Variants in CHN1 observed in about 807,000 individuals in gnomAD.
The protein encoded by CHN1 is N-chimaerin.
Under a neutral mutation model 59.5 loss-of-function variants are expected in CHN1, and 37 were observed. The observed-to-expected ratio is 0.62, with a 90% CI of 0.48 to 0.82. The LOEUF (loss-of-function observed/expected upper bound fraction) is 0.82. Among genes scored for constraint, CHN1 ranks in the 40% least tolerant of loss-of-function variants. CHN1 has a pLI of 0.00. For synonymous variants in CHN1, 206 were observed against 200.4 expected (o/e 1.03, Z -0.24); for missense variants, 469 against 571.0 (o/e 0.82, Z 1.82).
chr2:174,986,830 G>A (rs1691361456), intron 1 of CHN1, among the ~76,000 whole-genome samples: 1 of 152,166 alleles, frequency 6.6e-6, no homozygotes, highest in Admixed American at 6.5e-5. Flanking sequence ...TCTGCCTCCT[G>A]GGTTCAAGCG....
At chr2:174,847,735 CCTCCT>C in intron 6 of CHN1, 1 of 818,326 alleles carries the variant, frequency 1.2e-6, no homozygotes, top group Non-Finnish European at 1.8e-6. Flanking sequence ...TCTGTTTCTC[CCTCCT>C]CTCATGTAAG....
chr2:174,912,536 C>A (rs16862929), intron 5 of CHN1, among the ~76,000 whole-genome samples: 2 of 152,000 alleles, frequency 1.3e-5, no homozygotes, highest in Non-Finnish European at 2.9e-5. Flanking sequence ...ATTTTAGAGC[C>A]CCTAGTTGAC....
chr2:174,898,953 A>G (rs193065699), intron 5 of CHN1, among the ~76,000 whole-genome samples: 1 of 152,344 alleles, frequency 6.6e-6, no homozygotes, highest in East Asian at 1.9e-4. Flanking sequence ...GGAAAAATAA[A>G]GAGTACAATT....
intron 7 of CHN1, among the ~76,000 whole-genome samples, chr2:174,832,810 T>G (rs1380232135): frequency 2.0e-5 from 3 of 152,122 alleles, no homozygotes; most frequent in Admixed American, 2.0e-4. Flanking sequence ...AAACCTATTA[T>G]GTACTAGACC....
chr2:174,919,893 G>C (rs1435762520), intron 3 of CHN1, among the ~76,000 whole-genome samples: 1 of 151,960 alleles, frequency 6.6e-6, no homozygotes, highest in Non-Finnish European at 1.5e-5. Flanking sequence ...CCAACCTAAT[G>C]AAATTTTGTA....
At chr2:174,891,963 C>A (rs1347334728) in intron 5 of CHN1, among the ~76,000 whole-genome samples, 2 of 152,074 alleles carry the variant, frequency 1.3e-5, no homozygotes, top group Non-Finnish European at 2.9e-5. Context: ...AAAGAAATTA[C>A]TATGAATAAT....
intron 5 of CHN1, among the ~76,000 whole-genome samples, chr2:174,889,077 T>C (rs1687974063): frequency 6.6e-6 from 1 of 152,138 alleles, no homozygotes; most frequent in African/African-American, 2.4e-5. Flanking sequence ...TACTCACAGA[T>C]ACCAGAGGGA....
intron 5 of CHN1, among the ~76,000 whole-genome samples, chr2:174,886,798 A>G (rs867683665): frequency 3.3e-5 from 5 of 152,216 alleles, no homozygotes; most frequent in Admixed American, 6.5e-5. Context: ...AACAATCAGC[A>G]AAGTATCACA....
At position 174,987,932 on chromosome 2, in the gene CHN1, G is replaced by C. The variant is rs534031546; in HGVS notation, c.19+16962C>G. ...TCCAGGATGAGGGAGAGGGAGATGT[G>C]AGTTTTAACTATGGTGAGGATGGTC... On this transcript the variant is annotated intron_variant, in intron 1 of 12. Transcript: ENST00000409900. Among the ~76,000 whole-genome samples the C allele has an allele frequency of 3.8e-4, 58 of 152,196 alleles. No homozygotes were observed. The South Asian group carries it at 0.011, about 30-fold the overall frequency.
chr2:174,932,514 TCA>T lies in CHN1; in HGVS notation c.114+12372_114+12373del, dbSNP rs1689379449. Among the ~76,000 whole-genome samples the T allele has an allele frequency of 2.0e-5, 3 of 152,326 alleles. 1 individual carries two copies. The highest frequency in any genetic ancestry group is 2.1e-4 in the South Asian group (1 of 4,820). On this transcript the variant is annotated intron_variant, in intron 3 of 12. Coordinates refer to ENST00000409900, the MANE Select transcript of CHN1 (RefSeq NM_001822.7). ...GGAAGACTGGATTTTGCCGAGTATC[TCA>T]CAGTTTCCACAGTTCATCCTTGCTT... is the stretch of plus-strand genomic sequence containing the variant.
chr2:174,942,878 C>T (rs1689706546), intron 3 of CHN1, among the ~76,000 whole-genome samples: 1 of 151,886 alleles, frequency 6.6e-6, no homozygotes, highest in African/African-American at 2.4e-5. Flanking sequence ...GGCGAAACCC[C>T]ATCTCTACAA....
At chr2:174,957,312 G>GT (rs1045342508) in intron 1 of CHN1, among the ~76,000 whole-genome samples, 51 of 152,194 alleles carry the variant, frequency 3.4e-4, no homozygotes, top group Middle Eastern at 3.4e-3. Context: ...TGTTTACAGC[G>GT]TGAGAGCTGA....
At chr2:174,832,416 T>C (rs538293151) in intron 7 of CHN1, among the ~76,000 whole-genome samples, 9 of 152,160 alleles carry the variant, frequency 5.9e-5, no homozygotes, top group Non-Finnish European at 1.2e-4. Flanking sequence ...TAAGACCTTT[T>C]TTCTCCCTTT....
chr2:174,819,263 C>T (rs528353564), intron 8 of CHN1, among the ~76,000 whole-genome samples: 1 of 152,264 alleles, frequency 6.6e-6, no homozygotes, highest in South Asian at 2.1e-4. Context: ...AACATTACTT[C>T]CACTTATTTT....
intron 8 of CHN1, among the ~76,000 whole-genome samples, chr2:174,817,983 G>A (rs1295777654): frequency 6.6e-6 from 1 of 152,096 alleles, no homozygotes; most frequent in African/African-American, 2.4e-5. Context: ...ATATTGGCCA[G>A]GCTGGTATTG....
intron 11 of CHN1, among the ~76,000 whole-genome samples, chr2:174,805,696 A>C (rs368722182): frequency 5.3e-5 from 8 of 152,354 alleles, no homozygotes; most frequent in African/African-American, 1.7e-4. Context: ...TAAAGACTCT[A>C]AGCCCATAAA....
chr2:174,855,688 T>A (rs1686878843), intron 6 of CHN1, among the ~76,000 whole-genome samples: 1 of 152,128 alleles, frequency 6.6e-6, no homozygotes, highest in Non-Finnish European at 1.5e-5. Context: ...ATGCTTTACA[T>A]GTATGATAAA....
intron 3 of CHN1, among the ~76,000 whole-genome samples, chr2:174,942,130 C>T (rs1386378645): frequency 6.6e-6 from 1 of 152,138 alleles, no homozygotes; most frequent in African/African-American, 2.4e-5. Flanking sequence ...AATAGAACTA[C>T]TGTATAATCC....
At chr2:174,871,914 T>C (rs1418299141) in intron 6 of CHN1, among the ~76,000 whole-genome samples, 3 of 152,284 alleles carry the variant, frequency 2.0e-5, no homozygotes, top group African/African-American at 4.8e-5. Flanking sequence ...TTAATTTTGA[T>C]AGGAGATAAG....
Sources: gnomAD v4.1 joint callset for allele counts (sites outside exome capture counted in the v4.1 genomes callset) on GRCh38, gnomAD v4.1.1 for gene constraint, MANE v1.5 for transcripts, NCBI Gene and HGNC (gene_info 2026-07-23, HGNC 2026-07-21) for gene names.